Variants in ZNF892 observed in about 807,000 individuals in gnomAD.
The protein encoded by ZNF892 is zinc finger protein 570-like.
chr2:95,234,078 C>T, the ZNF892 span, among the ~76,000 whole-genome samples: 9 of 152,238 alleles, frequency 5.9e-5, no homozygotes, highest in African/African-American at 2.2e-4. Context: ...GGCTGGAGTG[C>T]AGGCGCGATC....
chr2:95,233,349 G>A, the ZNF892 span, among the ~76,000 whole-genome samples: 1 of 151,540 alleles, frequency 6.6e-6, no homozygotes, highest in Non-Finnish European at 1.5e-5. Flanking sequence ...ACAGGCACGT[G>A]CCACTAGACC....
chr2:95,244,435 G>T, the ZNF892 span, among the ~76,000 whole-genome samples: 8 of 150,954 alleles, frequency 5.3e-5, no homozygotes, highest in South Asian at 1.7e-3. Context: ...AACCAACAAA[G>T]ATTAAAAAAA....
At chr2:95,219,598 G>A in the ZNF892 span, among the ~76,000 whole-genome samples, 2 of 152,178 alleles carry the variant, frequency 1.3e-5, no homozygotes, top group African/African-American at 4.8e-5. Flanking sequence ...TCTCATTTAA[G>A]TTGAGATTTT....
the ZNF892 span, among the ~76,000 whole-genome samples, chr2:95,230,766 A>T: frequency 6.6e-6 from 1 of 152,212 alleles, no homozygotes; most frequent in Non-Finnish European, 1.5e-5. Flanking sequence ...AGGAATGACT[A>T]TGTGTTTTTA....
At chr2:95,219,302 G>C in the ZNF892 span, among the ~76,000 whole-genome samples, 35 of 152,162 alleles carry the variant, frequency 2.3e-4, no homozygotes, top group African/African-American at 8.4e-4. Context: ...CACCGCCCCG[G>C]CCAAGTATTT....
the ZNF892 span, among the ~76,000 whole-genome samples, chr2:95,262,138 C>G: frequency 2.0e-5 from 3 of 152,138 alleles, no homozygotes; most frequent in Non-Finnish European, 4.4e-5. Context: ...AATACTTTTA[C>G]TAATTGGGGA....
the ZNF892 span, among the ~76,000 whole-genome samples, chr2:95,249,500 G>C: frequency 2.0e-5 from 3 of 151,012 alleles, no homozygotes; most frequent in Non-Finnish European, 2.9e-5. Flanking sequence ...GCCCGCCTTA[G>C]CCTCCCAAAG....
At chr2:95,228,248 T>C in the ZNF892 span, among the ~76,000 whole-genome samples, 1 of 152,318 alleles carries the variant, frequency 6.6e-6, no homozygotes, top group South Asian at 2.1e-4. Flanking sequence ...TGACAAGAAA[T>C]CTACACATGT....
At chr2:95,247,545 AG>A in the ZNF892 span, among the ~76,000 whole-genome samples, 1 of 152,238 alleles carries the variant, frequency 6.6e-6, no homozygotes, top group Non-Finnish European at 1.5e-5. Context: ...GCATAGCAAA[AG>A]AGACCATCAA....
chr2:95,239,607 T>G, the ZNF892 span, among the ~76,000 whole-genome samples: 4 of 145,756 alleles, frequency 2.7e-5, no homozygotes, highest in East Asian at 2.0e-4. Context: ...TAGTTTTTTG[T>G]TTTTTTTTTT....
chr2:95,237,301 C>G, the ZNF892 span, among the ~76,000 whole-genome samples: 1 of 152,110 alleles, frequency 6.6e-6, no homozygotes, highest in East Asian at 1.9e-4. Context: ...GTGCCCACCA[C>G]CATGCCTGGC....
At chr2:95,241,215 A>AC in the ZNF892 span, among the ~76,000 whole-genome samples, 4 of 148,420 alleles carry the variant, frequency 2.7e-5, no homozygotes, top group Non-Finnish European at 6.0e-5. Context: ...ACTGGGTGAA[A>AC]CCCCCCCAAC....
At chr2:95,208,860 G>T in the ZNF892 span, 2 of 395,564 alleles carry the variant, frequency 5.1e-6, no homozygotes, top group African/African-American at 2.1e-5. Context: ...ATAAACTGAT[G>T]ACTGATGACC....
At chr2:95,262,655 G>C in the ZNF892 span, among the ~76,000 whole-genome samples, 1 of 152,230 alleles carries the variant, frequency 6.6e-6, no homozygotes, top group Non-Finnish European at 1.5e-5. Context: ...GGATGATAGA[G>C]TAGAAAGAGA....
the ZNF892 span, among the ~76,000 whole-genome samples, chr2:95,242,016 C>T: frequency 2.6e-5 from 4 of 152,092 alleles, no homozygotes; most frequent in East Asian, 1.9e-4. Flanking sequence ...ACTGAAGTTA[C>T]GACTGATTGG....
At chr2:95,242,908 T>G in the ZNF892 span, among the ~76,000 whole-genome samples, 1 of 152,316 alleles carries the variant, frequency 6.6e-6, no homozygotes, top group Non-Finnish European at 1.5e-5. Context: ...CAGCCGAACC[T>G]GGACTGTACC....
chr2:95,209,259 TA>T, the ZNF892 span, among the ~76,000 whole-genome samples: 6 of 150,320 alleles, frequency 4.0e-5, no homozygotes, highest in South Asian at 2.1e-4. Context: ...GGCCAAAAAA[TA>T]AAAAAAAAGT....
chr2:95,228,955 G>A, the ZNF892 span, among the ~76,000 whole-genome samples: 38 of 152,284 alleles, frequency 2.5e-4, no homozygotes, highest in Non-Finnish European at 3.4e-4. Context: ...TCAAAAGAAT[G>A]CAACCATTTG....
chr2:95,245,454 G>GTT, the ZNF892 span, among the ~76,000 whole-genome samples: 9 of 95,032 alleles, frequency 9.5e-5, no homozygotes, highest in South Asian at 2.9e-3. Flanking sequence ...AGACGGCGGG[G>GTT]GGGGGGGGGT....
Sources: gnomAD v4.1 joint callset for allele counts (sites outside exome capture counted in the v4.1 genomes callset) on GRCh38, gnomAD v4.1.1 for gene constraint, MANE v1.5 for transcripts, NCBI Gene and HGNC (gene_info 2026-07-23, HGNC 2026-07-21) for gene names.